The following RASA3 variants were observed in gnomAD, a reference collection of about 807,000 sequenced individuals.
RASA3 encodes the protein RAS p21 protein activator 3.
In RASA3, 73 loss-of-function variants were observed where a neutral mutation model predicts 110.0. The ratio of observed to expected loss-of-function variants is 0.66; its 90% CI spans 0.55 to 0.81. The LOEUF (loss-of-function observed/expected upper bound fraction) is 0.81, where lower values mean the gene tolerates loss of function less well. Ranked by LOEUF, RASA3 falls within the 30% of genes least tolerant of loss-of-function variation. The pLI, the probability that RASA3 is intolerant of heterozygous loss-of-function variation, is 0.00. For missense variants in RASA3, 976 were observed against 1,113.2 expected (o/e 0.88, Z 1.75); for synonymous variants, 500 against 451.4 (o/e 1.11, Z -1.37).
chr13:114,094,077 G>C (rs1040251449), intron 1 of RASA3, among the ~76,000 whole-genome samples: 1 of 151,966 alleles, frequency 6.6e-6, no homozygotes. Context: ...TATCCATTTC[G>C]TAAGGTCACA....
intron 1 of RASA3, among the ~76,000 whole-genome samples, chr13:114,090,068 T>C (rs1473520566): frequency 6.6e-6 from 1 of 152,226 alleles, no homozygotes; most frequent in Non-Finnish European, 1.5e-5. Flanking sequence ...TTTGGGCTGT[T>C]CCCAGCTTTC....
intron 17 of RASA3, 56 bp downstream of exon 17, chr13:114,009,331 G>A: frequency 5.1e-6 from 7 of 1,377,040 alleles, no homozygotes; most frequent in South Asian, 1.2e-5. Flanking sequence ...TTTTAAAAGA[G>A]AACTCCGTCT....
intron 3 of RASA3, among the ~76,000 whole-genome samples, chr13:114,041,976 C>T (rs2139474033): frequency 6.6e-6 from 1 of 152,360 alleles, no homozygotes; most frequent in South Asian, 2.1e-4. Flanking sequence ...GGAACGTCCA[C>T]TCTAAACAGT....
chr13:114,127,915 G>A (rs2080471551), intron 1 of RASA3, among the ~76,000 whole-genome samples: 1 of 152,080 alleles, frequency 6.6e-6, no homozygotes, highest in South Asian at 2.1e-4. Flanking sequence ...GATAATACAT[G>A]GAAACGACGC....
intron 1 of RASA3, among the ~76,000 whole-genome samples, chr13:114,081,673 G>A (rs1423610335): frequency 6.6e-6 from 1 of 152,202 alleles, no homozygotes; most frequent in African/African-American, 2.4e-5. Flanking sequence ...CCACAGAGAC[G>A]TGTCCACCAG....
chr13:114,010,575 C>T (rs1246351413), intron 16 of RASA3, among the ~76,000 whole-genome samples: 4 of 148,330 alleles, frequency 2.7e-5, no homozygotes, highest in African/African-American at 7.5e-5. Context: ...AGAGAGGGGC[C>T]CTGGGAGGAG....
At chr13:114,102,997 C>A (rs1428891408) in intron 1 of RASA3, among the ~76,000 whole-genome samples, 1 of 152,172 alleles carries the variant, frequency 6.6e-6, no homozygotes, top group Non-Finnish European at 1.5e-5. Flanking sequence ...GCTCGCTCAC[C>A]CCTAAGAGTG....
At chr13:113,979,706 T>C (rs544950763) in intron 23 of RASA3, among the ~76,000 whole-genome samples, 1 of 152,264 alleles carries the variant, frequency 6.6e-6, no homozygotes, top group South Asian at 2.1e-4. Flanking sequence ...GTAGAGTGTA[T>C]GGCACGTGTG....
chr13:114,097,824 G>A (rs1018779314), intron 1 of RASA3, among the ~76,000 whole-genome samples: 2 of 152,180 alleles, frequency 1.3e-5, no homozygotes, highest in African/African-American at 2.4e-5. Flanking sequence ...TATGCGGAGT[G>A]GATGCCTCAG....
chr13:114,052,254 G>A (rs2079157915), intron 2 of RASA3, 99 bp from the exon 3 acceptor site: 3 of 766,422 alleles, frequency 3.9e-6, no homozygotes, highest in Non-Finnish European at 6.7e-6. Flanking sequence ...CATGCCATAA[G>A]AATGCCCTGC....
Position 113,999,580 on chromosome 13 carries a change from C to T in RASA3, c.1932+5G>A. On this transcript the variant is annotated splice_donor_5th_base_variant and intron_variant, in intron 20 of 23. Transcript: ENST00000334062. Reference sequence around the variant, plus strand: ...GAAAGAGAGGCTTGGGGGCCCCACACTCACGTTTTTCATTTTGAAAGACTC... The same window carrying T: ...GAAAGAGAGGCTTGGGGGCCCCACATTCACGTTTTTCATTTTGAAAGACTC... 6.2e-7 allele frequency: 1 copy of T among 1,613,322 alleles called. No homozygotes were observed.
intron 1 of RASA3, among the ~76,000 whole-genome samples, chr13:114,124,726 C>T (rs1300705374): frequency 2.6e-5 from 4 of 152,234 alleles, no homozygotes; most frequent in African/African-American, 4.8e-5. Flanking sequence ...CTGACGGAGC[C>T]GCTCCTTCAC....
At chr13:114,049,989 T>C (rs1263854524) in intron 3 of RASA3, among the ~76,000 whole-genome samples, 2 of 152,068 alleles carry the variant, frequency 1.3e-5, no homozygotes, top group East Asian at 3.9e-4. Context: ...TGGCAGGACA[T>C]GGGGATGGAG....
At chr13:114,025,914 G>A (rs1419074853) in intron 7 of RASA3, among the ~76,000 whole-genome samples, 1 of 152,236 alleles carries the variant, frequency 6.6e-6, no homozygotes, top group African/African-American at 2.4e-5. Context: ...AAGAGACAGA[G>A]TCCTGGTGAA....
chr13:114,040,978 G>A (rs77325328), intron 4 of RASA3, 22 bp downstream of exon 4: 291 of 1,611,496 alleles, frequency 1.8e-4, no homozygotes, highest in East Asian at 6.9e-4. Context: ...TCTGGTTTCC[G>A]GGGCTGCGCC....
Position 113,979,412 on chromosome 13 carries a change from T to A in RASA3, c.2440A>T (p.Ile814Phe). ...KTKYGSQEHPIGDKSFQNYIR... is the reference protein window; with the variant it reads ...KTKYGSQEHPFGDKSFQNYIR... ...TAGTTCTGGAAGCTCTTGTCTCCGATGGGGTGCTCCCTGAAAAGGGGGATG... is the reference window on the plus strand; with the variant it reads ...TAGTTCTGGAAGCTCTTGTCTCCGAAGGGGTGCTCCCTGAAAAGGGGGATG... Residue 814 changes from isoleucine to phenylalanine, a missense_variant, in exon 24 of 24, where the codon ATC becomes TTC. Transcript: ENST00000334062. The A allele has an allele frequency of 6.2e-7, 1 of 1,600,868 alleles. No individual in the cohort carries two copies. The highest frequency in any genetic ancestry group is 1.1e-5 in the South Asian group (1 of 90,808).
intron 1 of RASA3, among the ~76,000 whole-genome samples, chr13:114,127,811 C>T (rs1191402229): frequency 3.9e-5 from 6 of 152,208 alleles, no homozygotes; most frequent in Non-Finnish European, 8.8e-5. Context: ...ATCCCAGGAG[C>T]CCGTGGAGCT....
chr13:114,013,383 C>CTCCCCCTCTCTCTG, intron 14 of RASA3, 135 bp from the exon 15 acceptor site: 4 of 554,092 alleles, frequency 7.2e-6, no homozygotes, highest in Middle Eastern at 4.5e-4. Flanking sequence ...GTGTCTGTCT[C>CTCCCCCTCTCTCTG]TCTCCCTCTC....
Position 114,057,516 on chromosome 13 carries a change from G to T in RASA3, c.174-5361C>A, listed in dbSNP as rs934060734. 2.0e-6 allele frequency: 2 copies of T among 985,182 alleles called. No individual in the cohort carries two copies. The highest frequency in any genetic ancestry group is 1.7e-5 in the African/African-American group (1 of 57,228). 61.0% of individuals were successfully genotyped at this position (985,182 alleles called of 1,614,324 possible). A position where few individuals can be genotyped will look rare whatever the true frequency, so the allele number is the denominator to read the frequency against. ...GGTTCGTTCAGCTTCTTAGACCGAT[G>T]ATTTATTTAGGGAATAAGAAGGGCG... On this transcript the variant is annotated intron_variant, in intron 2 of 23. Coordinates refer to ENST00000334062, the MANE Select transcript of RASA3 (RefSeq NM_007368.4). The surrounding 1 kb of genome is among the most constrained non-coding windows in gnomAD (Gnocchi z 5.0).
Sources: gnomAD v4.1 joint callset for allele counts (sites outside exome capture counted in the v4.1 genomes callset) on GRCh38, gnomAD v4.1.1 for gene constraint, Gnocchi (gnomAD v3.1) non-coding constraint, MANE v1.5 for transcripts, NCBI Gene and HGNC (gene_info 2026-07-23, HGNC 2026-07-21) for gene names.